The following RALYL variants were observed in gnomAD, a reference collection of about 807,000 sequenced individuals.
RALYL encodes the protein RNA-binding Raly-like protein.
A neutral mutation model predicts 35.1 loss-of-function variants in RALYL; 29 were observed. That is an observed-to-expected ratio of 0.83 (90% CI 0.61 to 1.13). RALYL has a LOEUF of 1.13. RALYL is among the 50% of genes most tolerant of loss of function. The probability of loss-of-function intolerance (pLI) is 0.00; values close to 1 mark genes in which losing one functional copy is unlikely to be tolerated. For missense variants in RALYL, 359 were observed against 360.4 expected (o/e 1.00, Z 0.03); for synonymous variants, 120 against 127.6 (o/e 0.94, Z 0.40).
At chr8:84,452,002 T>C (rs868756334) in intron 1 of RALYL, among the ~76,000 whole-genome samples, 1 of 151,992 alleles carries the variant, frequency 6.6e-6, no homozygotes, top group African/African-American at 2.4e-5. Flanking sequence ...CTGATGTTTA[T>C]TACAGACCAA....
chr8:84,647,438 GAT>G (rs1023021236), intron 2 of RALYL, among the ~76,000 whole-genome samples: 13 of 152,186 alleles, frequency 8.5e-5, no homozygotes, highest in African/African-American at 2.9e-4. Context: ...CATGCCTGAA[GAT>G]AGAAATTGGA....
intron 2 of RALYL, among the ~76,000 whole-genome samples, chr8:84,590,807 G>T (rs775227530): frequency 2.6e-5 from 4 of 152,122 alleles, no homozygotes; most frequent in African/African-American, 4.8e-5. Flanking sequence ...GTCAAACCTG[G>T]AAGTAATGAT....
intron 1 of RALYL, among the ~76,000 whole-genome samples, chr8:84,476,931 G>A (rs1171274739): frequency 6.6e-6 from 1 of 152,138 alleles, no homozygotes; most frequent in Non-Finnish European, 1.5e-5. Flanking sequence ...TGTTATATCA[G>A]ATTTTTATGT....
intron 1 of RALYL, among the ~76,000 whole-genome samples, chr8:84,263,935 G>T (rs1258418634): frequency 6.6e-6 from 1 of 152,138 alleles, no homozygotes; most frequent in Non-Finnish European, 1.5e-5. Context: ...CCCTGCAAAG[G>T]ACATGATCTC....
intron 2 of RALYL, among the ~76,000 whole-genome samples, chr8:84,721,625 T>C (rs925795710): frequency 3.9e-5 from 6 of 152,144 alleles, no homozygotes; most frequent in African/African-American, 1.4e-4. Flanking sequence ...GAGGAACAAA[T>C]TGTTTTTCCA....
intron 8 of RALYL, among the ~76,000 whole-genome samples, chr8:84,891,027 A>G (rs1459356767): frequency 6.6e-6 from 1 of 152,156 alleles, no homozygotes; most frequent in Non-Finnish European, 1.5e-5. Context: ...AAAGAAAAAC[A>G]AAGTCTGTAC....
intron 1 of RALYL, among the ~76,000 whole-genome samples, chr8:84,449,468 T>G (rs1172487979): frequency 6.6e-6 from 1 of 152,044 alleles, no homozygotes; most frequent in Non-Finnish European, 1.5e-5. Context: ...TGTCCCTGTA[T>G]GTTGTTTGAC....
intron 2 of RALYL, among the ~76,000 whole-genome samples, chr8:84,739,975 A>T (rs1847988359): frequency 6.6e-6 from 1 of 151,976 alleles, no homozygotes; most frequent in Non-Finnish European, 1.5e-5. Flanking sequence ...TGGTGGCTTT[A>T]GCAATAACAA....
At chr8:84,373,228 G>T (rs1232414607) in intron 1 of RALYL, among the ~76,000 whole-genome samples, 1 of 151,392 alleles carries the variant, frequency 6.6e-6, no homozygotes, top group African/African-American at 2.4e-5. Context: ...ACTGTGCCAA[G>T]CTCTTTAGTC....
intron 1 of RALYL, among the ~76,000 whole-genome samples, chr8:84,290,895 G>A (rs192435070): frequency 2.6e-4 from 39 of 152,224 alleles, no homozygotes; most frequent in Admixed American, 2.1e-3. Flanking sequence ...CTTTTGATAT[G>A]TATAATACTT....
intron 2 of RALYL, among the ~76,000 whole-genome samples, chr8:84,725,645 C>T (rs994089628): frequency 4.0e-5 from 6 of 151,564 alleles, no homozygotes; most frequent in South Asian, 2.1e-4. Flanking sequence ...AGGTAATATA[C>T]GTCTGTGAGC....
chr8:84,290,940 C>T (rs1255718469), intron 1 of RALYL, among the ~76,000 whole-genome samples: 3 of 150,188 alleles, frequency 2.0e-5, no homozygotes, highest in Non-Finnish European at 4.4e-5. Flanking sequence ...CTTTTGATAT[C>T]TTTCTATAAT....
At chr8:84,574,268 C>T (rs564859326) in intron 2 of RALYL, among the ~76,000 whole-genome samples, 24 of 152,062 alleles carry the variant, frequency 1.6e-4, no homozygotes, top group African/African-American at 2.9e-4. Flanking sequence ...TTATCAGAAC[C>T]GATATATTTC....
At chr8:84,460,599 G>T (rs771506372) in intron 1 of RALYL, among the ~76,000 whole-genome samples, 13 of 151,566 alleles carry the variant, frequency 8.6e-5, no homozygotes, top group Non-Finnish European at 1.6e-4. Flanking sequence ...CTAAAAAAGG[G>T]GGAAAAGCCT....
intron 1 of RALYL, among the ~76,000 whole-genome samples, chr8:84,349,341 T>A (rs1850428145): frequency 6.6e-6 from 1 of 150,478 alleles, no homozygotes. Context: ...TATTGTGAAT[T>A]TTCATGAGTA....
At chr8:84,367,326 T>TGTTTTTTTTTTTTTTG (rs1563800008) in intron 1 of RALYL, among the ~76,000 whole-genome samples, 12 of 21,732 alleles carry the variant, frequency 5.5e-4, no homozygotes, top group Non-Finnish European at 4.6e-4. Context: ...GTATTTTTTT[T>TGTTTTTTTTTTTTTTG]TTTTTTTTTT....
chr8:84,488,796 G>A (rs1446082499), intron 1 of RALYL, among the ~76,000 whole-genome samples: 3 of 151,846 alleles, frequency 2.0e-5, no homozygotes, highest in Non-Finnish European at 4.4e-5. Flanking sequence ...AGAGCTTCTT[G>A]TTTCCAAAAT....
Position 84,529,351 on chromosome 8 carries a change from C to A in RALYL, c.30C>A (p.Val10=). MTGKTQTSN[V]TNKNDPKSIN... ...CTGGCAAAACACAGACCAGCAACGTCACCAATAAGAATGACCCCAAGTCCA... is the reference window on the plus strand; with the variant it reads ...CTGGCAAAACACAGACCAGCAACGTAACCAATAAGAATGACCCCAAGTCCA... The change falls in exon 2 of 9, where the codon GTC becomes GTA. Residue 10 remains valine, a synonymous_variant. Transcript: ENST00000521268. 1.9e-6 allele frequency: 3 copies of A among 1,590,776 alleles called. No individual in the cohort carries two copies. The highest frequency in any genetic ancestry group is 2.6e-6 in the Non-Finnish European group (3 of 1,167,040).
intron 1 of RALYL, among the ~76,000 whole-genome samples, chr8:84,481,379 G>T (rs1381390452): frequency 1.3e-5 from 2 of 152,078 alleles, no homozygotes; most frequent in African/African-American, 2.4e-5. Flanking sequence ...ACCCAGGCTG[G>T]AGTGCAATGG....
Sources: allele counts gnomAD v4.1 joint callset (sites outside exome capture counted in the v4.1 genomes callset), GRCh38; gene constraint gnomAD v4.1.1; transcripts MANE v1.5; gene names NCBI Gene and HGNC (gene_info 2026-07-23, HGNC 2026-07-21).